The following RAD18 variants were observed in gnomAD, a reference collection of about 807,000 sequenced individuals.
The protein encoded by RAD18 is RAD18 E3 ubiquitin protein ligase, also known as E3 ubiquitin-protein ligase RAD18.
A neutral mutation model predicts 60.4 loss-of-function variants in RAD18; 47 were observed. The ratio of observed to expected loss-of-function variants is 0.78; its 90% CI spans 0.62 to 0.99. RAD18 has a LOEUF of 0.99. RAD18 is among the 50% of genes least tolerant of loss of function. The pLI, the probability that RAD18 is intolerant of heterozygous loss-of-function variation, is 0.00. For missense variants in RAD18, 640 were observed against 593.3 expected, an observed-to-expected ratio of 1.08 and a Z score of -0.82; for synonymous variants, 225 against 195.5, an observed-to-expected ratio of 1.15 and a Z score of -1.26.
chr3:8,898,854 A>C (rs1465142251), intron 11 of RAD18, 40 bp downstream of exon 11: 5 of 1,458,092 alleles, frequency 3.4e-6, no homozygotes, highest in Non-Finnish European at 4.7e-6. Flanking sequence ...GTGCATATGA[A>C]GTAGATATTT....
intron 7 of RAD18, among the ~76,000 whole-genome samples, chr3:8,922,106 G>A (rs9811598): frequency 0.69 from 104,315 of 151,690 alleles, 36,427 homozygotes; most frequent in Middle Eastern, 0.77. Flanking sequence ...CAGTGGGAGC[G>A]GTGCACCGGG....
chr3:8,950,313 G>A (rs1394352772), intron 2 of RAD18, among the ~76,000 whole-genome samples: 1 of 152,098 alleles, frequency 6.6e-6, no homozygotes, highest in East Asian at 1.9e-4. Flanking sequence ...GGGATTACAG[G>A]TCTGAGCCAC....
intron 12 of RAD18, among the ~76,000 whole-genome samples, chr3:8,889,819 G>A (rs1575532187): frequency 6.6e-6 from 1 of 152,206 alleles, no homozygotes; most frequent in African/African-American, 2.4e-5. Context: ...TTTTAGAGCA[G>A]AGGGATGAGT....
chr3:8,950,179 C>T (rs757145098), intron 2 of RAD18, among the ~76,000 whole-genome samples: 12 of 152,094 alleles, frequency 7.9e-5, no homozygotes, highest in East Asian at 1.9e-4. Flanking sequence ...TACAGGTGTG[C>T]GCCACCACAC....
chr3:8,905,662 T>G (rs966779348), intron 9 of RAD18, among the ~76,000 whole-genome samples: 7 of 152,260 alleles, frequency 4.6e-5, no homozygotes, highest in African/African-American at 1.7e-4. Context: ...GGCTTATTCA[T>G]CTAGCCCTGA....
chr3:8,956,225 C>T (rs886627037), intron 2 of RAD18, among the ~76,000 whole-genome samples: 1 of 152,108 alleles, frequency 6.6e-6, no homozygotes, highest in Non-Finnish European at 1.5e-5. Context: ...TCCGAATTGC[C>T]AGCATCATTA....
rs748491048 is a variant in RAD18, at chr3:8,959,025, A to G, written c.52-24T>C. 8 of 1,583,156 alleles carry G rather than the reference A, an allele frequency of 5.1e-6. No individual in the cohort carries two copies. In the Admixed American group the frequency reaches 8.4e-5, roughly 17 times the overall value. On this transcript the variant is annotated intron_variant, in intron 1 of 12. Transcript: ENST00000264926. The stretch of plus-strand genomic sequence containing the variant: ...GTCTGAAATGCAAATATGCATATAT[A>G]CATATCAGAAAGACATCAAAATTGG...
intron 10 of RAD18, among the ~76,000 whole-genome samples, chr3:8,899,757 G>C (rs1174730465): frequency 6.6e-6 from 1 of 152,118 alleles, no homozygotes; most frequent in African/African-American, 2.4e-5. Context: ...AGATTCTTTA[G>C]TGCCCAGGAT....
chr3:8,890,400 T>C lies in RAD18; in HGVS notation c.1374A>G (p.Glu458=), dbSNP rs755786102. The change falls in exon 12 of 13, where the codon GAA becomes GAG. Residue 458 remains glutamate, a synonymous_variant. Coordinates refer to ENST00000264926, the MANE Select transcript of RAD18 (RefSeq NM_020165.4). ...TTATGAGAACTCACTTATGTGATGC[T>C]TCCCAGGCTTCCTCTTCTTCTAAAA... The part of the protein sequence containing the change: ...RDLLEEEEAW[E]ASHKNDLQDT... The C allele has an allele frequency of 3.8e-6, 6 of 1,589,986 alleles. No individual in the cohort carries two copies. Among genetic ancestry groups the C allele is most frequent in the Non-Finnish European group, 5.2e-6 (6 of 1,158,246 alleles).
chr3:8,934,099 C>T (rs1575554501), intron 7 of RAD18, among the ~76,000 whole-genome samples: 2 of 152,308 alleles, frequency 1.3e-5, no homozygotes, highest in Middle Eastern at 3.4e-3. Flanking sequence ...GGAAAGAAAA[C>T]AAGACAATCT....
At chr3:8,902,296 G>C in intron 10 of RAD18, 84 bp downstream of exon 10, 1 of 1,283,508 alleles carries the variant, frequency 7.8e-7, no homozygotes, top group Non-Finnish European at 1.0e-6. Context: ...GAACTCCAAA[G>C]TAAATTTCTT....
intron 9 of RAD18, among the ~76,000 whole-genome samples, chr3:8,903,223 T>C (rs1470054121): frequency 1.3e-5 from 2 of 152,184 alleles, no homozygotes; most frequent in Admixed American, 1.3e-4. Context: ...TTAGCTACTC[T>C]AGGTTTCTTC....
chr3:8,930,263 G>A (rs1399694164), intron 7 of RAD18, among the ~76,000 whole-genome samples: 1 of 152,182 alleles, frequency 6.6e-6, no homozygotes, highest in East Asian at 1.9e-4. Flanking sequence ...ATTGACCACA[G>A]ATAAACCTTG....
At position 8,935,925 on chromosome 3, in the gene RAD18, G is replaced by A. The variant is rs1940642714; in HGVS notation, c.835C>T (p.Gln279Ter). 1.9e-6 allele frequency: 3 copies of A among 1,611,424 alleles called. No homozygotes were observed. Among genetic ancestry groups the A allele is most frequent in the Middle Eastern group, 1.7e-4 (1 of 5,950 alleles). The change falls in exon 7 of 13, where the codon CAA (glutamine) becomes TAA (stop). Residue 279 changes from glutamine (Q) to a stop codon, truncating the protein, a stop_gained. Coordinates refer to ENST00000264926, the MANE Select transcript of RAD18 (RefSeq NM_020165.4). LOFTEE classifies it high-confidence loss of function. ...GCATTGTACATGTGTACAAATTCTT[G>A]GTGCCTTTTAATGAGCTGTTGTTTA... ...GNKQQLIKRH[Q>*]EFVHMYNAQC...
At position 8,883,704 on chromosome 3, in the gene RAD18, T is replaced by G. The variant is rs144991524; in HGVS notation, c.1386-2245A>C. Among the ~76,000 whole-genome samples the G allele has an allele frequency of 1.0e-3, 159 of 152,268 alleles. 2 individuals are homozygous for G. The Middle Eastern group carries it at 0.014, about 13-fold the overall frequency. ...GTCTTTCCTAAGCATGCACGGAAGC[T>G]CTATGAATGAGAGTGACCCTCTAGA... On this transcript the variant is annotated intron_variant, in intron 12 of 12. Transcript: ENST00000264926.
At chr3:8,886,398 T>C (rs1450202009) in intron 12 of RAD18, among the ~76,000 whole-genome samples, 3 of 152,004 alleles carry the variant, frequency 2.0e-5, no homozygotes, top group Non-Finnish European at 4.4e-5. Context: ...AATAGGGGAG[T>C]CTCTTCAGTC....
chr3:8,961,611 T>A (rs1203006042), intron 1 of RAD18, among the ~76,000 whole-genome samples: 1 of 151,874 alleles, frequency 6.6e-6, no homozygotes, highest in Non-Finnish European at 1.5e-5. Flanking sequence ...CCTGGAAGAG[T>A]TCAAGCAAAA....
At chr3:8,896,952 GA>G (rs1028790319) in intron 11 of RAD18, among the ~76,000 whole-genome samples, 10 of 148,250 alleles carry the variant, frequency 6.7e-5, no homozygotes, top group East Asian at 2.0e-4. Context: ...TTTTTTTAAG[GA>G]AAAAAAAAAT....
intron 1 of RAD18, among the ~76,000 whole-genome samples, chr3:8,962,072 C>T (rs938108944): frequency 3.3e-5 from 5 of 152,234 alleles, no homozygotes; most frequent in Non-Finnish European, 1.5e-5. Flanking sequence ...TGAGCACCCA[C>T]TTGGTGTCAG....
Sources: allele counts gnomAD v4.1 joint callset (sites outside exome capture counted in the v4.1 genomes callset), GRCh38; gene constraint gnomAD v4.1.1; transcripts MANE v1.5; gene names NCBI Gene and HGNC (gene_info 2026-07-23, HGNC 2026-07-21).